Variants in AFAP1 observed in about 807,000 individuals in gnomAD.
AFAP1 encodes the protein actin filament-associated protein 1.
A neutral mutation model predicts 93.9 loss-of-function variants in AFAP1; 75 were observed. The observed-to-expected ratio is 0.80, with a 90% CI of 0.66 to 0.97. The LOEUF (loss-of-function observed/expected upper bound fraction) is 0.97, where lower values mean the gene tolerates loss of function less well. Among genes scored for constraint, AFAP1 ranks in the 50% least tolerant of loss-of-function variants. The pLI is 0.00. For missense variants in AFAP1, 1,201 were observed against 1,050.8 expected, an observed-to-expected ratio of 1.14 and a Z score of -1.98; for synonymous variants, 517 against 430.7, an observed-to-expected ratio of 1.20 and a Z score of -2.48.
intron 1 of AFAP1, among the ~76,000 whole-genome samples, chr4:7,932,178 G>A (rs912711138): frequency 1.3e-5 from 2 of 151,902 alleles, no homozygotes; most frequent in African/African-American, 4.8e-5. Context: ...TTTCTTAAAG[G>A]AAATGTATTT....
intron 1 of AFAP1, among the ~76,000 whole-genome samples, chr4:7,886,881 CAGA>C (rs1201673966): frequency 1.3e-5 from 2 of 152,162 alleles, no homozygotes; most frequent in Non-Finnish European, 2.9e-5. Flanking sequence ...CTTCCATTTA[CAGA>C]AGGTCAATTT....
intron 17 of AFAP1, 54 bp from the exon 18 acceptor site, chr4:7,763,845 C>T: frequency 6.5e-7 from 1 of 1,534,372 alleles, no homozygotes; most frequent in Non-Finnish European, 8.8e-7. Context: ...CAGGCTGGGA[C>T]AAGCCACGCC....
At chr4:7,932,801 C>A (rs979208077) in intron 1 of AFAP1, among the ~76,000 whole-genome samples, 1 of 152,054 alleles carries the variant, frequency 6.6e-6, no homozygotes, top group African/African-American at 2.4e-5. Context: ...GCCGGCAGAT[C>A]ATAAGGTCAG....
intron 9 of AFAP1, among the ~76,000 whole-genome samples, chr4:7,806,315 A>T (rs1314676379): frequency 1.3e-5 from 2 of 152,166 alleles, no homozygotes; most frequent in Non-Finnish European, 2.9e-5. Flanking sequence ...AAACCCCCCT[A>T]AACCTTTCCA....
intron 1 of AFAP1, among the ~76,000 whole-genome samples, chr4:7,876,504 G>C (rs1002440715): frequency 2.0e-5 from 3 of 152,174 alleles, no homozygotes; most frequent in Non-Finnish European, 2.9e-5. Context: ...GCAGCAACCA[G>C]GGCAAGTGCA....
intron 1 of AFAP1, among the ~76,000 whole-genome samples, chr4:7,882,394 TTC>T (rs1235539933): frequency 1.8e-5 from 2 of 111,196 alleles, no homozygotes; most frequent in Admixed American, 1.7e-4. Context: ...CATAACCAAA[TTC>T]TTTTTTTTTT....
intron 6 of AFAP1, among the ~76,000 whole-genome samples, chr4:7,834,092 T>TACACACACACACACAC (rs142790415): frequency 0.012 from 1,496 of 126,608 alleles, 26 homozygotes; most frequent in African/African-American, 0.029. Context: ...AACTGTGGCA[T>TACACACACACACACAC]ACACACACAC....
intron 1 of AFAP1, among the ~76,000 whole-genome samples, chr4:7,921,005 A>T (rs1366275942): frequency 1.3e-5 from 2 of 151,430 alleles, no homozygotes; most frequent in Non-Finnish European, 2.9e-5. Flanking sequence ...TATATCCATA[A>T]ATAAATAAAT....
At chr4:7,905,382 A>G (rs1361728153) in intron 1 of AFAP1, among the ~76,000 whole-genome samples, 1 of 152,242 alleles carries the variant, frequency 6.6e-6, no homozygotes, top group Admixed American at 6.5e-5. Context: ...ACTTTTATAG[A>G]AAAATCTATT....
At chr4:7,930,018 T>G (rs1012043316) in intron 1 of AFAP1, among the ~76,000 whole-genome samples, 1 of 152,268 alleles carries the variant, frequency 6.6e-6, no homozygotes, top group Non-Finnish European at 1.5e-5. Flanking sequence ...GCTTGAATTC[T>G]TATTATGTGA....
At chr4:7,921,181 C>CTTTTTTTTTTTT (rs34764139) in intron 1 of AFAP1, among the ~76,000 whole-genome samples, 1 of 95,110 alleles carries the variant, frequency 1.1e-5, no homozygotes, top group African/African-American at 4.3e-5. Flanking sequence ...GAGAGCAAAA[C>CTTTTTTTTTTTT]TTTTTTTTTT....
chr4:7,885,614 A>G lies in AFAP1; in HGVS notation c.-2-13534T>C, dbSNP rs564115326. ...CAAGCACGATGCCTGATGTGGAAACAAGAACATGACACTCAGTATATGTTT... is the reference window on the plus strand; with the variant it reads ...CAAGCACGATGCCTGATGTGGAAACGAGAACATGACACTCAGTATATGTTT... On this transcript the variant is annotated intron_variant, in intron 1 of 17. Transcript: ENST00000420658. Among the ~76,000 whole-genome samples, 31 of 152,364 alleles carry G rather than the reference A, an allele frequency of 2.0e-4. No individual in the cohort carries two copies. The East Asian group carries it at 6.0e-3, about 29-fold the overall frequency.
chr4:7,844,396 C>G (rs772324836), intron 4 of AFAP1, among the ~76,000 whole-genome samples: 6 of 152,152 alleles, frequency 3.9e-5, no homozygotes, highest in Non-Finnish European at 7.4e-5. Flanking sequence ...GGCAGTCTAA[C>G]CTGGACTCCC....
intron 6 of AFAP1, among the ~76,000 whole-genome samples, chr4:7,821,334 C>CAT (rs1560179864): frequency 6.6e-6 from 1 of 152,154 alleles, no homozygotes; most frequent in Non-Finnish European, 1.5e-5. Flanking sequence ...GAAGCAACAC[C>CAT]GTCATTACTG....
At chr4:7,850,356 A>G (rs1382127484) in intron 4 of AFAP1, among the ~76,000 whole-genome samples, 1 of 152,120 alleles carries the variant, frequency 6.6e-6, no homozygotes, top group Admixed American at 6.5e-5. Context: ...AGCATTACAT[A>G]ATGTATTTCG....
intron 3 of AFAP1, among the ~76,000 whole-genome samples, chr4:7,867,231 G>A (rs1716529524): frequency 6.6e-6 from 1 of 152,156 alleles, no homozygotes; most frequent in African/African-American, 2.4e-5. Context: ...CGGGTGGTTG[G>A]CTGAAGGCTA....
chr4:7,876,678 G>A lies in AFAP1; in HGVS notation c.-2-4598C>T, dbSNP rs368171473. ...TTCCCGGGCCTGTTGTTAGCTACTCGGAAAACTGGGCTGCACTTGAATTCC... is the reference window on the plus strand; with the variant it reads ...TTCCCGGGCCTGTTGTTAGCTACTCAGAAAACTGGGCTGCACTTGAATTCC... On this transcript the variant is annotated intron_variant, in intron 1 of 17. Coordinates refer to ENST00000420658, the MANE Select transcript of AFAP1 (RefSeq NM_001134647.2). Among the ~76,000 whole-genome samples the A allele has an allele frequency of 4.6e-5, 7 of 152,230 alleles. No individual in the cohort carries two copies. In the South Asian group the frequency reaches 8.3e-4, roughly 18 times the overall value.
intron 6 of AFAP1, among the ~76,000 whole-genome samples, chr4:7,829,905 G>A (rs1721743832): frequency 6.6e-6 from 1 of 152,228 alleles, no homozygotes; most frequent in Non-Finnish European, 1.5e-5. Context: ...TGTGAGATGA[G>A]ATAAGCATAA....
At chr4:7,917,352 G>A (rs1258966469) in intron 1 of AFAP1, among the ~76,000 whole-genome samples, 1 of 152,144 alleles carries the variant, frequency 6.6e-6, no homozygotes, top group Non-Finnish European at 1.5e-5. Flanking sequence ...TTTACAAAGT[G>A]TACATATATA....
Sources: allele counts gnomAD v4.1 joint callset (sites outside exome capture counted in the v4.1 genomes callset), GRCh38; gene constraint gnomAD v4.1.1; transcripts MANE v1.5; gene names NCBI Gene and HGNC (gene_info 2026-07-23, HGNC 2026-07-21).